Variants in GGA1 observed in about 807,000 individuals in gnomAD.
GGA1 encodes ADP-ribosylation factor-binding protein GGA1.
Under a neutral mutation model 76.9 loss-of-function variants are expected in GGA1, and 18 were observed. The ratio of observed to expected loss-of-function variants is 0.23; its 90% CI spans 0.16 to 0.35. The LOEUF (loss-of-function observed/expected upper bound fraction) is 0.35. Among genes scored for constraint, GGA1 ranks in the 10% least tolerant of loss-of-function variants. The pLI is 1.00. For synonymous variants in GGA1, 342 were observed against 354.7 expected (o/e 0.96, Z 0.40); for missense variants, 755 against 859.0 (o/e 0.88, Z 1.51).
At chr22:37,615,492 G>A (rs1928603316) in intron 2 of GGA1, among the ~76,000 whole-genome samples, 2 of 151,554 alleles carry the variant, frequency 1.3e-5, no homozygotes, top group African/African-American at 4.9e-5. Context: ...AAGGCCGGGT[G>A]TGGTGGCTTA....
At chr22:37,618,148 A>T in intron 3 of GGA1, 2 of 262,292 alleles carry the variant, frequency 7.6e-6, no homozygotes, top group Non-Finnish European at 7.2e-6. Flanking sequence ...AAGGAAAAAT[A>T]GTAAGAAAAT....
chr22:37,617,389 T>C (rs1416541793), intron 3 of GGA1: 2 of 1,092,622 alleles, frequency 1.8e-6, no homozygotes, highest in Non-Finnish European at 1.1e-6. Context: ...TAAGGGGTGG[T>C]GCTTGGGCTC....
Position 37,613,268 on chromosome 22 carries a change from C to G in GGA1, c.44-922C>G, listed in dbSNP as rs999831731. ...ACCCGCATCTTTCCTGCCCATACAG[C>G]CATGCGTGGGTCAGAGGTGTACCAG... On this transcript the variant is annotated intron_variant, in intron 1 of 16. Transcript: ENST00000343632. 3 of 631,266 alleles carry G rather than the reference C, an allele frequency of 4.8e-6. No individual in the cohort carries two copies. In the African/African-American group the frequency reaches 5.9e-5, roughly 13 times the overall value. 39.1% of individuals were successfully genotyped at this position (631,266 alleles called of 1,614,324 possible). A position where few individuals can be genotyped will look rare whatever the true frequency, so the allele number is the denominator to read the frequency against.
At chr22:37,629,741 C>T (rs1454565712) in intron 12 of GGA1, among the ~76,000 whole-genome samples, 1 of 152,220 alleles carries the variant, frequency 6.6e-6, no homozygotes, top group Non-Finnish European at 1.5e-5. Context: ...GGGGCTGCAG[C>T]CCAGCCTTTG....
At chr22:37,627,134 C>T (rs1477713925) in intron 11 of GGA1, 24 of 152,194 alleles carry the variant, frequency 1.6e-4, no homozygotes, top group Admixed American at 1.6e-3. Context: ...GCACTCCAGC[C>T]TGGTTGACAG....
At position 37,609,350 on chromosome 22, in the gene GGA1, G is replaced by A; in HGVS notation, c.43+447G>A. The A allele has an allele frequency of 3.6e-6, 4 of 1,097,058 alleles. No homozygotes were observed. In the South Asian group the frequency reaches 7.9e-5, roughly 22 times the overall value. The allele number at this position is 1,097,058 out of a possible 1,614,324, so 68.0% of individuals were successfully genotyped here. A position where few individuals can be genotyped will look rare whatever the true frequency, so the allele number is the denominator to read the frequency against. On this transcript the variant is annotated intron_variant, in intron 1 of 16. Transcript: ENST00000343632. ...CTCTCTGGCCCTGCATGGCGTTCCTGGAGCCCGCAAGTAGTCACATTTGCT... is the reference window on the plus strand; with the variant it reads ...CTCTCTGGCCCTGCATGGCGTTCCTAGAGCCCGCAAGTAGTCACATTTGCT...
In GGA1 at chr22:37,631,878, AC is replaced by A; in HGVS notation, c.1529-117del. The A allele has an allele frequency of 3.8e-6, 3 of 781,378 alleles. No individual in the cohort carries two copies. The South Asian group carries it at 5.1e-5, about 13-fold the overall frequency. The allele number at this position is 781,378 out of a possible 1,614,324, so 48.4% of individuals were successfully genotyped here. On this transcript the variant is annotated intron_variant, in intron 14 of 16. Transcript: ENST00000343632. ...GGTCCAGGTAAGGCCCCAAAGGAGG[AC>A]TTTGCTCTTGTTGCCAGTACAGCAG...
At position 37,630,084 on chromosome 22, in the gene GGA1, A is replaced by G. The variant is rs553691389; in HGVS notation, c.1245A>G (p.Pro415=). 1.2e-6 allele frequency: 2 copies of G among 1,610,400 alleles called. No homozygotes were observed. Among genetic ancestry groups the G allele is most frequent in the African/African-American group, 1.3e-5 (1 of 74,808 alleles). ...GACCCCCAGCGCAGACATCCCTGCC[A>G]GCAAGCAGCGGTCTGGACGACCTAG... ...ESRPPAQTSL[P]ASSGLDDLDL... is the part of the protein sequence containing the mutation. Residue 415 remains proline, a synonymous_variant, in exon 13 of 17, where the codon CCA becomes CCG. Coordinates refer to ENST00000343632, the MANE Select transcript of GGA1 (RefSeq NM_013365.5).
intron 1 of GGA1, among the ~76,000 whole-genome samples, chr22:37,613,584 A>T (rs1446797617): frequency 1.3e-5 from 2 of 152,018 alleles, no homozygotes; most frequent in Non-Finnish European, 2.9e-5. Flanking sequence ...TATTTTTAGT[A>T]GAGATGGGGT....
chr22:37,617,286 C>T (rs1928991110), intron 3 of GGA1: 1 of 1,314,740 alleles, frequency 7.6e-7, no homozygotes, highest in East Asian at 3.5e-5. Flanking sequence ...CTCCAGGAAG[C>T]GTGTTCAACA....
At chr22:37,609,127 C>T in intron 1 of GGA1, 3 of 1,480,352 alleles carry the variant, frequency 2.0e-6, no homozygotes, top group South Asian at 1.3e-5. Context: ...CCTGTCGGAT[C>T]CCTGGGCCAT....
chr22:37,623,261 G>A lies in GGA1; in HGVS notation c.610-66G>A. On this transcript the variant is annotated intron_variant, in intron 7 of 16. Transcript: ENST00000343632. The surrounding 1 kb of genome is among the most constrained non-coding windows in gnomAD (Gnocchi z 4.6). ...CAGATCCCAGCACACATTCTCTCAA[G>A]TGGCAGGGGGCAGTGCCTCGTCCAG... The A allele has an allele frequency of 6.9e-7, 1 of 1,449,932 alleles. No homozygotes were observed. The highest frequency in any genetic ancestry group is 9.7e-7 in the Non-Finnish European group (1 of 1,031,844). The allele number at this position is 1,449,932 out of a possible 1,614,324, so 89.8% of individuals were successfully genotyped here.
intron 7 of GGA1, among the ~76,000 whole-genome samples, chr22:37,622,953 A>G (rs893882253): frequency 1.3e-5 from 2 of 152,214 alleles, no homozygotes; most frequent in African/African-American, 2.4e-5. Context: ...CCCTTGCACT[A>G]TGAAGTACAG....
At chr22:37,613,145 C>T (rs1241071228) in intron 1 of GGA1, 17 of 985,196 alleles carry the variant, frequency 1.7e-5, no homozygotes, top group African/African-American at 3.5e-5. Flanking sequence ...AAGGGGACAC[C>T]GGAGCCACTC....
chr22:37,615,897 T>C (rs1303142879), intron 2 of GGA1, among the ~76,000 whole-genome samples: 4 of 151,312 alleles, frequency 2.6e-5, no homozygotes, highest in Non-Finnish European at 5.9e-5. Context: ...CTGGAGTGCA[T>C]TGGCACGATC....
In GGA1 at chr22:37,633,037, A is replaced by C. The variant is rs1932087753; in HGVS notation, c.*326A>C. On this transcript the variant is annotated 3_prime_UTR_variant, in exon 17 of 17. Transcript: ENST00000343632. Reference sequence around the variant, plus strand: ...GCACAGCTGTTGGGGAAGGGCCAGGACCTCAGGCCCAGCCCCAACCCCAGC... The same window carrying C: ...GCACAGCTGTTGGGGAAGGGCCAGGCCCTCAGGCCCAGCCCCAACCCCAGC... The C allele has an allele frequency of 3.3e-6, 1 of 305,818 alleles. No homozygotes were observed. The highest frequency in any genetic ancestry group is 6.7e-5 in the East Asian group (1 of 14,914). The allele number at this position is 305,818 out of a possible 1,614,324, so 18.9% of individuals were successfully genotyped here. A position where few individuals can be genotyped will look rare whatever the true frequency, so the allele number is the denominator to read the frequency against.
At chr22:37,609,363 AGTC>A in intron 1 of GGA1, 1 of 1,095,720 alleles carries the variant, frequency 9.1e-7, no homozygotes, top group Non-Finnish European at 1.1e-6. Context: ...GCCCGCAAGT[AGTC>A]ACATTTGCTC....
chr22:37,631,934 T>TG, intron 14 of GGA1, 62 bp from the exon 15 acceptor site: 2 of 1,476,390 alleles, frequency 1.4e-6, no homozygotes, highest in Non-Finnish European at 1.8e-6. Context: ...GGGTGGGGGC[T>TG]GGGGGCTGAG....
At chr22:37,610,164 C>T (rs973800598) in intron 1 of GGA1, 2 of 152,156 alleles carry the variant, frequency 1.3e-5, no homozygotes, top group Non-Finnish European at 2.9e-5. Flanking sequence ...GGTTTAGAAA[C>T]AGTGGGGGTT....
Sources: allele counts gnomAD v4.1 joint callset (sites outside exome capture counted in the v4.1 genomes callset), GRCh38; gene constraint gnomAD v4.1.1; non-coding constraint Gnocchi (gnomAD v3.1); transcripts MANE v1.5; gene names NCBI Gene and HGNC (gene_info 2026-07-23, HGNC 2026-07-21).